JPH3: variants seen among roughly 807,000 people sequenced by gnomAD.
JPH3 encodes the protein junctophilin-3.
Under a neutral mutation model 59.6 loss-of-function variants are expected in JPH3, and 11 were observed. That is an observed-to-expected ratio of 0.18 (90% confidence interval 0.12 to 0.31). The LOEUF is 0.31. Ranked by LOEUF, JPH3 falls within the 10% of genes least tolerant of loss-of-function variation. The pLI, the probability that JPH3 is intolerant of heterozygous loss-of-function variation, is 1.00. For synonymous variants in JPH3, 673 were observed against 483.6 expected, an observed-to-expected ratio of 1.39 and a Z score of -5.14; for missense variants, 1,202 against 1,105.7, an observed-to-expected ratio of 1.09 and a Z score of -1.24.
chr16:87,646,585 G>C (rs1211233267), intron 2 of JPH3, among the ~76,000 whole-genome samples: 1 of 152,198 alleles, frequency 6.6e-6, no homozygotes, highest in African/African-American at 2.4e-5. Context: ...ATTAGCTCTG[G>C]TCTGATGGAT....
chr16:87,636,118 C>G (rs955535706), intron 1 of JPH3, among the ~76,000 whole-genome samples: 27 of 152,240 alleles, frequency 1.8e-4, no homozygotes, highest in Admixed American at 4.6e-4. Context: ...CACAAGCCGC[C>G]TGTTCTGCAG....
At chr16:87,682,958 C>G (rs1349662657) in intron 2 of JPH3, among the ~76,000 whole-genome samples, 2 of 152,382 alleles carry the variant, frequency 1.3e-5, no homozygotes, top group African/African-American at 2.4e-5. Context: ...AAAGGGTGGG[C>G]AGGTCCCCTG....
Position 87,613,351 on chromosome 16 carries a change from G to A in JPH3, c.382+9823G>A, listed in dbSNP as rs552747534. ...CCTGACCTCGTGAACCGCCCGCCTC[G>A]GCCTCCCAAAGTGCTGGAATTACAG... is the stretch of plus-strand genomic sequence containing the variant. On this transcript the variant is annotated intron_variant, in intron 1 of 4. Coordinates refer to ENST00000284262, the MANE Select transcript of JPH3 (RefSeq NM_020655.4). Among the ~76,000 whole-genome samples, 57 of 150,428 alleles carry A rather than the reference G, an allele frequency of 3.8e-4. 1 individual carries two copies. In the South Asian group the frequency reaches 0.01, roughly 27 times the overall value.
intron 1 of JPH3, among the ~76,000 whole-genome samples, chr16:87,638,010 C>T (rs2031814585): frequency 6.6e-6 from 1 of 152,156 alleles, no homozygotes; most frequent in South Asian, 2.1e-4. Flanking sequence ...GCCTCTGCCT[C>T]CTGGGTTCAA....
chr16:87,603,621 C>T, intron 1 of JPH3, 93 bp downstream of exon 1: 1 of 1,432,156 alleles, frequency 7.0e-7, no homozygotes, highest in South Asian at 1.4e-5. Context: ...GAGCTGCGTC[C>T]TCCGGTTGGG....
chr16:87,629,074 G>A (rs193194705), intron 1 of JPH3, among the ~76,000 whole-genome samples: 1 of 151,974 alleles, frequency 6.6e-6, no homozygotes, highest in African/African-American at 2.4e-5. Flanking sequence ...CTGTGGGGGG[G>A]GCCCAGGTCT....
Position 87,689,712 on chromosome 16 carries a change from C to G in JPH3, c.1352C>G (p.Thr451Arg). The change falls in exon 4 of 5, where the codon ACA (threonine) becomes AGA (arginine). Residue 451 changes from threonine to arginine, a missense_variant. Thr to Arg is a moderately conservative substitution (Grantham distance 71). Coordinates refer to ENST00000284262, the MANE Select transcript of JPH3 (RefSeq NM_020655.4). ...GACATCGAGGTGCTGTCCACCGGGA[C>G]ACCCCTGCAGCAGGAGAGCCCCGAG... Reference protein sequence around the residue: ...CDDIEVLSTGTPLQQESPELY... With the variant: ...CDDIEVLSTGRPLQQESPELY... The G allele has an allele frequency of 6.2e-7, 1 of 1,612,562 alleles. No homozygotes were observed. Among genetic ancestry groups the G allele is most frequent in the East Asian group, 2.2e-5 (1 of 44,868 alleles).
In JPH3 at chr16:87,609,392, G is replaced by A. The variant is rs144949230; in HGVS notation, c.382+5864G>A. Among the ~76,000 whole-genome samples, 611 of 152,194 alleles carry A rather than the reference G, an allele frequency of 4.0e-3. 1 individual carries two copies. The highest frequency in any genetic ancestry group is 0.014 in the African/African-American group (584 of 41,540). On this transcript the variant is annotated intron_variant, in intron 1 of 4. Transcript: ENST00000284262. ...AGTCATTCTCATGCCTCAGCCTCCC[G>A]AGTAGCTGGGATTACAGGCATACAC...
chr16:87,674,069 T>A (rs1597281755), intron 2 of JPH3, among the ~76,000 whole-genome samples: 2 of 149,602 alleles, frequency 1.3e-5, no homozygotes, highest in Admixed American at 6.7e-5. Context: ...GCGCAGTGGC[T>A]CACGCCTGTA....
Position 87,664,199 on chromosome 16 carries a change from A to C in JPH3, c.1160+19164A>C, listed in dbSNP as rs550277316. Among the ~76,000 whole-genome samples, 300 of 151,006 alleles carry C rather than the reference A, an allele frequency of 2.0e-3. 3 individuals are homozygous for C. Among genetic ancestry groups the C allele is most frequent in the African/African-American group, 6.6e-3 (270 of 41,152 alleles). On this transcript the variant is annotated intron_variant, in intron 2 of 4. Transcript: ENST00000284262. ...ATAAAAAATTAGCTGGGCGTGGTGG[A>C]AGGCGCCTGTAGTCCCAGCTACATG...
chr16:87,692,847 C>CCAG (rs2033637015), intron 4 of JPH3, among the ~76,000 whole-genome samples: 1 of 152,248 alleles, frequency 6.6e-6, no homozygotes, highest in South Asian at 2.1e-4. Flanking sequence ...GCGTCCGTAC[C>CCAG]TGCTTCCCGG....
intron 2 of JPH3, 112 bp from the exon 3 acceptor site, chr16:87,684,030 A>G: frequency 1.4e-6 from 1 of 694,586 alleles, no homozygotes; most frequent in South Asian, 1.8e-5. Flanking sequence ...ATGGGGTGCC[A>G]GCATCTTGTC....
intron 3 of JPH3, among the ~76,000 whole-genome samples, chr16:87,687,100 T>G (rs2142828781): frequency 6.6e-6 from 1 of 152,314 alleles, no homozygotes; most frequent in South Asian, 2.1e-4. Flanking sequence ...AAGCATTTCT[T>G]GTTTCCGCCT....
chr16:87,664,735 A>T (rs1017647084), intron 2 of JPH3, among the ~76,000 whole-genome samples: 3 of 152,116 alleles, frequency 2.0e-5, no homozygotes, highest in Non-Finnish European at 4.4e-5. Flanking sequence ...GGCCCTCCTT[A>T]TCCTTGCTGC....
chr16:87,650,816 A>C lies in JPH3; in HGVS notation c.1160+5781A>C, dbSNP rs75756907. ...GGAAACGAGCAGAGGCTGGTTCATC[A>C]GGTTTAAGGAAAGAAGCCGCTTCCA... On this transcript the variant is annotated intron_variant, in intron 2 of 4. Transcript: ENST00000284262. Among the ~76,000 whole-genome samples the C allele has an allele frequency of 4.3e-3, 654 of 152,340 alleles. 5 individuals carry two copies. The highest frequency in any genetic ancestry group is 0.015 in the African/African-American group (631 of 41,574).
intron 2 of JPH3, among the ~76,000 whole-genome samples, chr16:87,671,808 A>G (rs1162557036): frequency 2.0e-5 from 3 of 152,220 alleles, no homozygotes; most frequent in Non-Finnish European, 4.4e-5. Context: ...CTCCAGGCAC[A>G]GGGGACACAC....
At chr16:87,645,153 C>G in intron 2 of JPH3, 118 bp downstream of exon 2, 1 of 1,044,744 alleles carries the variant, frequency 9.6e-7, no homozygotes, top group East Asian at 2.6e-5. Flanking sequence ...GAGGCCTACA[C>G]TGGTGTTTCT....
At chr16:87,632,988 C>T (rs1016709579) in intron 1 of JPH3, among the ~76,000 whole-genome samples, 1 of 152,144 alleles carries the variant, frequency 6.6e-6, no homozygotes. Context: ...CTGCCTCAGC[C>T]TCCCAAAGGG....
At chr16:87,669,258 C>T (rs2032954049) in intron 2 of JPH3, among the ~76,000 whole-genome samples, 2 of 152,168 alleles carry the variant, frequency 1.3e-5, no homozygotes, top group Non-Finnish European at 1.5e-5. Context: ...ATTTGGGGTT[C>T]AGGATGCTTG....
Sources: gnomAD v4.1 joint callset for allele counts (sites outside exome capture counted in the v4.1 genomes callset) on GRCh38, gnomAD v4.1.1 for gene constraint, MANE v1.5 for transcripts, NCBI Gene and HGNC (gene_info 2026-07-23, HGNC 2026-07-21) for gene names.